COL23A1: variants seen among roughly 807,000 people sequenced by gnomAD.
The protein encoded by COL23A1 is collagen alpha-1(XXIII) chain.
In COL23A1, 97 loss-of-function variants were observed where a neutral mutation model predicts 99.3. That is an observed-to-expected ratio of 0.98 (90% CI 0.83 to 1.16). The LOEUF (loss-of-function observed/expected upper bound fraction) is 1.16. COL23A1 is among the 50% of genes most tolerant of loss of function. COL23A1 has a pLI of 0.00. For missense variants in COL23A1, 762 were observed against 757.4 expected, an observed-to-expected ratio of 1.01 and a Z score of -0.07; for synonymous variants, 320 against 308.2, an observed-to-expected ratio of 1.04 and a Z score of -0.40.
rs117321095 is a variant in COL23A1 at position 178,263,276 on chromosome 5, G to A, written c.571C>T (p.Pro191Ser). The part of the protein sequence containing the change: ...GAAGPPGPPG[P>S]PGARGPPGDT... ...CCAGGAGGGCCCCGGGCCCCAGGAG[G>A]TCCAGGGGGCCCCGGAGGCCCAGCA... Residue 191 changes from proline (P) to serine (S), a missense_variant, in exon 9 of 29, where the codon CCT becomes TCT. By Grantham distance (74) the Pro-to-Ser change is moderately conservative. Transcript: ENST00000390654. 1,167 of 1,611,294 alleles carry A rather than the reference G, an allele frequency of 7.2e-4. 21 individuals are homozygous for A. The East Asian group carries it at 0.019, about 26-fold the overall frequency.
At chr5:178,513,888 G>C (rs1759357522) in intron 2 of COL23A1, among the ~76,000 whole-genome samples, 1 of 151,676 alleles carries the variant, frequency 6.6e-6, no homozygotes, top group Non-Finnish European at 1.5e-5. Context: ...TTTAATTGCA[G>C]TAACATATAT....
intron 5 of COL23A1, among the ~76,000 whole-genome samples, chr5:178,287,962 G>A (rs1384818749): frequency 2.0e-5 from 3 of 152,232 alleles, no homozygotes; most frequent in Non-Finnish European, 4.4e-5. Context: ...GACGAGGAGC[G>A]GTGGCTGGGA....
chr5:178,354,643 T>C (rs1182824992), intron 2 of COL23A1, among the ~76,000 whole-genome samples: 1 of 152,180 alleles, frequency 6.6e-6, no homozygotes, highest in East Asian at 1.9e-4. Flanking sequence ...CTCTGCCATG[T>C]GAAGATGTGC....
intron 2 of COL23A1, among the ~76,000 whole-genome samples, chr5:178,467,465 C>T (rs1168298661): frequency 6.6e-6 from 1 of 152,210 alleles, no homozygotes; most frequent in East Asian, 1.9e-4. Flanking sequence ...TTTAGCCGGA[C>T]TACACGGAGG....
At chr5:178,539,545 C>CAAAAAAAAAAAAAAAAA (rs58424731) in intron 2 of COL23A1, among the ~76,000 whole-genome samples, 5 of 78,384 alleles carry the variant, frequency 6.4e-5, no homozygotes, top group Non-Finnish European at 7.0e-5. Flanking sequence ...GACTCTGTCT[C>CAAAAAAAAAAAAAAAAA]AAAAAAAAAA....
intron 1 of COL23A1, among the ~76,000 whole-genome samples, chr5:178,572,243 A>T (rs1223135581): frequency 2.0e-5 from 3 of 152,150 alleles, no homozygotes; most frequent in Non-Finnish European, 4.4e-5. Context: ...AATTATTTTT[A>T]AAAGGAAAAG....
At chr5:178,362,597 C>G (rs1581232417) in intron 2 of COL23A1, among the ~76,000 whole-genome samples, 2 of 152,214 alleles carry the variant, frequency 1.3e-5, no homozygotes. Flanking sequence ...GCCTGGCTCA[C>G]GGGCACACCC....
At chr5:178,378,455 G>T (rs1185780942) in intron 2 of COL23A1, among the ~76,000 whole-genome samples, 1 of 152,206 alleles carries the variant, frequency 6.6e-6, no homozygotes, top group African/African-American at 2.4e-5. Context: ...GAAGGGCAGG[G>T]CTGGGAAGCC....
intron 16 of COL23A1, among the ~76,000 whole-genome samples, chr5:178,252,970 T>A (rs1035957436): frequency 1.3e-5 from 2 of 152,044 alleles, no homozygotes; most frequent in Non-Finnish European, 2.9e-5. Flanking sequence ...CTGCCAAGAA[T>A]GACATCCCCA....
intron 2 of COL23A1, among the ~76,000 whole-genome samples, chr5:178,476,545 C>A (rs543048291): frequency 2.0e-4 from 30 of 152,290 alleles, no homozygotes; most frequent in African/African-American, 7.2e-4. Flanking sequence ...TATCCACGGA[C>A]CTGCCTACAC....
At chr5:178,361,809 T>C (rs1244074940) in intron 2 of COL23A1, among the ~76,000 whole-genome samples, 1 of 152,192 alleles carries the variant, frequency 6.6e-6, no homozygotes, top group Non-Finnish European at 1.5e-5. Context: ...CGGCTCTCAC[T>C]GTCTCCTGCT....
At chr5:178,347,084 C>T (rs757450518) in intron 2 of COL23A1, among the ~76,000 whole-genome samples, 44 of 152,218 alleles carry the variant, frequency 2.9e-4, no homozygotes, top group Non-Finnish European at 3.8e-4. Context: ...TGCTTGAGGC[C>T]GCCTCCCCCT....
intron 2 of COL23A1, among the ~76,000 whole-genome samples, chr5:178,452,794 C>G (rs1356738929): frequency 3.3e-5 from 5 of 152,162 alleles, no homozygotes. Flanking sequence ...CCTGTTAATA[C>G]ATGGAGGTGA....
intron 2 of COL23A1, among the ~76,000 whole-genome samples, chr5:178,541,142 C>A (rs1761262490): frequency 6.6e-6 from 1 of 152,084 alleles, no homozygotes; most frequent in African/African-American, 2.4e-5. Context: ...CATGGATAGA[C>A]AAATAGAACA....
At chr5:178,258,913 CT>C (rs35156759) in intron 12 of COL23A1, among the ~76,000 whole-genome samples, 340 of 117,584 alleles carry the variant, frequency 2.9e-3, no homozygotes, top group South Asian at 0.015. Flanking sequence ...CCAGGGTGGT[CT>C]TTTTTTTTTT....
At position 178,340,488 on chromosome 5, in the gene COL23A1, C is replaced by T. The variant is rs1561876566; in HGVS notation, c.362-33569G>A. On this transcript the variant is annotated intron_variant, in intron 2 of 28. Transcript: ENST00000390654. This position sits in a 1 kb window ranked among gnomAD's most constrained non-coding sequence, Gnocchi z 4.7. ...CTCCAGCCTTGAAGGATCTGAAGCC[C>T]ACAGTGTGGGCTGCTCCGTTTGGTC... 1.3e-5 allele frequency among the ~76,000 whole-genome samples: 2 copies of T among 152,168 alleles called. No homozygotes were observed. Among genetic ancestry groups the T allele is most frequent in the Admixed American group, 6.5e-5 (1 of 15,284 alleles).
chr5:178,260,276 G>T (rs2127550943), intron 11 of COL23A1, among the ~76,000 whole-genome samples: 1 of 152,350 alleles, frequency 6.6e-6, no homozygotes, highest in East Asian at 1.9e-4. Flanking sequence ...CCTTCAGTCG[G>T]TGAGTGGGTA....
At position 178,589,344 on chromosome 5, in the gene COL23A1, AT is replaced by A. The variant is rs1764151853; in HGVS notation, c.294+559del. 6.7e-6 allele frequency among the ~76,000 whole-genome samples: 1 copy of A among 150,018 alleles called. No individual in the cohort carries two copies. Among genetic ancestry groups the A allele is most frequent in the South Asian group, 2.1e-4 (1 of 4,698 alleles). ...AAGTCATGTGGGCGCCCCCACCCCCATCCCCGAGGCCTCAGTGCGACGGTGA... is the reference window on the plus strand; with the variant it reads ...AAGTCATGTGGGCGCCCCCACCCCCACCCCGAGGCCTCAGTGCGACGGTGA... On this transcript the variant is annotated intron_variant, in intron 1 of 28. Transcript: ENST00000390654. This position sits in a 1 kb window ranked among gnomAD's most constrained non-coding sequence, Gnocchi z 5.4.
intron 2 of COL23A1, among the ~76,000 whole-genome samples, chr5:178,312,343 G>A (rs569288836): frequency 5.2e-4 from 79 of 152,312 alleles, no homozygotes; most frequent in Admixed American, 1.6e-3. Flanking sequence ...CAATGACTCT[G>A]GACGTCTGAG....
Sources: gnomAD v4.1 joint callset for allele counts (sites outside exome capture counted in the v4.1 genomes callset) on GRCh38, gnomAD v4.1.1 for gene constraint, Gnocchi (gnomAD v3.1) non-coding constraint, MANE v1.5 for transcripts, NCBI Gene and HGNC (gene_info 2026-07-23, HGNC 2026-07-21) for gene names.